Variants in SNX29 observed in about 807,000 individuals in gnomAD.
The protein encoded by SNX29 is sorting nexin 29, also known as sorting nexin-29.
Under a neutral mutation model 102.1 loss-of-function variants are expected in SNX29, and 78 were observed. The observed-to-expected ratio is 0.76, with a 90% confidence interval of 0.64 to 0.92. SNX29 has a LOEUF of 0.92. SNX29 is among the 40% of genes least tolerant of loss of function. The probability of loss-of-function intolerance (pLI) is 0.00; values close to 1 mark genes in which losing one functional copy is unlikely to be tolerated. For synonymous variants in SNX29, 580 were observed against 414.5 expected (o/e 1.40, Z -4.85); for missense variants, 1,280 against 1,061.7 (o/e 1.21, Z -2.86).
chr16:12,426,716 A>T (rs907148028), intron 18 of SNX29, among the ~76,000 whole-genome samples: 1 of 152,194 alleles, frequency 6.6e-6, no homozygotes, highest in African/African-American at 2.4e-5. Context: ...CCCAGGCTGG[A>T]GTGCAGTGGC....
intron 19 of SNX29, chr16:12,515,732 G>A (rs2089834755): frequency 2.4e-6 from 1 of 413,030 alleles, no homozygotes; most frequent in East Asian, 5.6e-5. Flanking sequence ...CGGAGGGCAG[G>A]GGTCACATCT....
At chr16:12,335,233 G>A (rs2081411857) in intron 15 of SNX29, among the ~76,000 whole-genome samples, 1 of 152,066 alleles carries the variant, frequency 6.6e-6, no homozygotes, top group Non-Finnish European at 1.5e-5. Flanking sequence ...TTGAACTCCA[G>A]GACAGCAGGG....
chr16:12,083,388 AT>A (rs1371857501), intron 11 of SNX29, among the ~76,000 whole-genome samples: 6 of 151,282 alleles, frequency 4.0e-5, no homozygotes, highest in Admixed American at 1.3e-4. Flanking sequence ...AGCAGGGTTG[AT>A]TTCTGGTAAG....
chr16:12,519,437 T>A (rs575881219), intron 19 of SNX29, among the ~76,000 whole-genome samples: 2 of 152,372 alleles, frequency 1.3e-5, no homozygotes, highest in East Asian at 3.9e-4. Flanking sequence ...AAACACAGGC[T>A]AGGTCTTAGA....
At chr16:12,377,499 TGGGTGG>T in intron 16 of SNX29, among the ~76,000 whole-genome samples, 1 of 152,026 alleles carries the variant, frequency 6.6e-6, no homozygotes, top group Non-Finnish European at 1.5e-5. Flanking sequence ...TAACTGCAGG[TGGGTGG>T]GGAGGGGCAG....
At chr16:12,133,250 T>C (rs2054536997) in intron 13 of SNX29, among the ~76,000 whole-genome samples, 2 of 151,518 alleles carry the variant, frequency 1.3e-5, no homozygotes, top group Admixed American at 1.3e-4. Context: ...ATGAATTACT[T>C]AACTTCTCTG....
At chr16:12,112,446 C>T (rs975034298) in intron 11 of SNX29, among the ~76,000 whole-genome samples, 9 of 152,166 alleles carry the variant, frequency 5.9e-5, no homozygotes, top group Admixed American at 5.9e-4. Flanking sequence ...CTGATTTAGT[C>T]CCATCCACGT....
chr16:12,487,985 C>A (rs1240286978), intron 19 of SNX29, among the ~76,000 whole-genome samples: 1 of 152,126 alleles, frequency 6.6e-6, no homozygotes, highest in African/African-American at 2.4e-5. Flanking sequence ...CCACTAACGT[C>A]ATCTTGCCAG....
At chr16:12,155,708 G>T (rs952813261) in intron 13 of SNX29, among the ~76,000 whole-genome samples, 4 of 152,186 alleles carry the variant, frequency 2.6e-5, no homozygotes, top group Non-Finnish European at 5.9e-5. Context: ...ATGCAGCTGG[G>T]AGTGTGAGAG....
chr16:12,238,080 G>A (rs2077990381), intron 14 of SNX29, among the ~76,000 whole-genome samples: 1 of 152,200 alleles, frequency 6.6e-6, no homozygotes. Context: ...ACAAGCCAGA[G>A]AAGGGAGATG....
At chr16:12,069,179 TC>T in intron 10 of SNX29, 47 bp downstream of exon 10, 1 of 1,501,648 alleles carries the variant, frequency 6.7e-7, no homozygotes, top group South Asian at 1.2e-5. Flanking sequence ...AACATCCTAT[TC>T]ACAGCTGTGC....
rs149159546 is a variant in SNX29, at chr16:12,422,345, C to T, written c.2037+18816C>T. Among the ~76,000 whole-genome samples the T allele has an allele frequency of 6.3e-3, 966 of 152,288 alleles. 7 individuals carry two copies. The highest frequency in any genetic ancestry group is 0.017 in the Middle Eastern group (5 of 294). ...TAATATGAAAGGCTCAGTAAATAGCCATGCTTCCTGTTACCACAGCCCTTG... is the reference window on the plus strand; with the variant it reads ...TAATATGAAAGGCTCAGTAAATAGCTATGCTTCCTGTTACCACAGCCCTTG... On this transcript the variant is annotated intron_variant, in intron 18 of 20. Transcript: ENST00000566228.
At chr16:12,062,428 C>G (rs895603375) in intron 9 of SNX29, among the ~76,000 whole-genome samples, 3 of 138,388 alleles carry the variant, frequency 2.2e-5, no homozygotes, top group African/African-American at 8.2e-5. Flanking sequence ...AAATATGTCT[C>G]TGGTATGGGT....
chr16:12,109,280 G>C (rs1436488823), intron 11 of SNX29, among the ~76,000 whole-genome samples: 1 of 152,042 alleles, frequency 6.6e-6, no homozygotes, highest in Non-Finnish European at 1.5e-5. Flanking sequence ...TAGAGCAGCA[G>C]ATGGGGAGGG....
rs1458865685 is a variant in SNX29, at chr16:12,570,745, G to T, written c.*2116G>T. On this transcript the variant is annotated 3_prime_UTR_variant, in exon 21 of 21. Transcript: ENST00000566228. ...GGTCTCTCTCCAGATACCCCACGAGGAAGCACCTTGGACATTCTGCACATG... is the reference window on the plus strand; with the variant it reads ...GGTCTCTCTCCAGATACCCCACGAGTAAGCACCTTGGACATTCTGCACATG... 4.3e-6 allele frequency: 1 copy of T among 231,636 alleles called. No individual in the cohort carries two copies. The highest frequency in any genetic ancestry group is 8.5e-6 in the Non-Finnish European group (1 of 117,542). 14.3% of individuals were successfully genotyped at this position (231,636 alleles called of 1,614,324 possible).
intron 15 of SNX29, among the ~76,000 whole-genome samples, chr16:12,348,280 G>A (rs1424512978): frequency 6.6e-6 from 1 of 152,152 alleles, no homozygotes; most frequent in Non-Finnish European, 1.5e-5. Flanking sequence ...AGCTGTTGTC[G>A]GTGTTGCCTT....
intron 18 of SNX29, among the ~76,000 whole-genome samples, chr16:12,405,665 T>C (rs1053014879): frequency 1.3e-5 from 2 of 152,248 alleles, no homozygotes; most frequent in Non-Finnish European, 2.9e-5. Context: ...GTTTTTACTT[T>C]ATATAAATGA....
rs1244499264 is a variant in SNX29, at chr16:12,573,275, C to G, written c.*4646C>G. ...GATCAGTCATCTCTGGTATTCCTCACTCTAGCCATGAGCCATTGCCATCTT... is the reference window on the plus strand; with the variant it reads ...GATCAGTCATCTCTGGTATTCCTCAGTCTAGCCATGAGCCATTGCCATCTT... On this transcript the variant is annotated 3_prime_UTR_variant, in exon 21 of 21. Transcript: ENST00000566228. 2 of 227,930 alleles carry G rather than the reference C, an allele frequency of 8.8e-6. No individual in the cohort carries two copies. The highest frequency in any genetic ancestry group is 4.4e-5 in the African/African-American group (2 of 45,050). The allele number at this position is 227,930 out of a possible 1,614,324, so 14.1% of individuals were successfully genotyped here. A position where few individuals can be genotyped will look rare whatever the true frequency, so the allele number is the denominator to read the frequency against.
intron 18 of SNX29, among the ~76,000 whole-genome samples, chr16:12,425,615 AG>A (rs1209252007): frequency 6.6e-6 from 1 of 151,688 alleles, no homozygotes; most frequent in African/African-American, 2.4e-5. Context: ...GATAGAGACA[AG>A]GGGAAAAAAA....
Sources: allele counts gnomAD v4.1 joint callset (sites outside exome capture counted in the v4.1 genomes callset), GRCh38; gene constraint gnomAD v4.1.1; transcripts MANE v1.5; gene names NCBI Gene and HGNC (gene_info 2026-07-23, HGNC 2026-07-21).